TDRP: variants seen among roughly 807,000 people sequenced by gnomAD.
TDRP encodes testis development related protein.
Under a neutral mutation model 10.5 loss-of-function variants are expected in TDRP, and 12 were observed. The ratio of observed to expected loss-of-function variants is 1.15; its 90% CI spans 0.73 to 1.86. TDRP has a LOEUF of 1.86. Ranked by LOEUF, TDRP falls within the 40% of genes most tolerant of loss-of-function variation. TDRP has a pLI of 0.00. For synonymous variants in TDRP, 139 were observed against 95.4 expected, an observed-to-expected ratio of 1.46 and a Z score of -2.67; for missense variants, 353 against 229.2, an observed-to-expected ratio of 1.54 and a Z score of -3.49.
chr8:524,706 G>A (rs969183270), intron 1 of TDRP, among the ~76,000 whole-genome samples: 1 of 152,154 alleles, frequency 6.6e-6, no homozygotes, highest in Non-Finnish European at 1.5e-5. Context: ...GAATTGATGA[G>A]GCAGAAGAAA....
chr8:500,516 T>G (rs1801261569), intron 1 of TDRP, among the ~76,000 whole-genome samples: 1 of 152,218 alleles, frequency 6.6e-6, no homozygotes, highest in Non-Finnish European at 1.5e-5. Flanking sequence ...GAGATCCTCA[T>G]CTAACCAAGT....
intron 1 of TDRP, among the ~76,000 whole-genome samples, chr8:523,560 G>A (rs1801959774): frequency 6.6e-6 from 1 of 152,174 alleles, no homozygotes; most frequent in Admixed American, 6.5e-5. Context: ...GGGCCAAAGG[G>A]GAACCCACTG....
intron 1 of TDRP, among the ~76,000 whole-genome samples, chr8:542,683 G>A (rs967895545): frequency 6.6e-6 from 1 of 151,956 alleles, no homozygotes; most frequent in African/African-American, 2.4e-5. Flanking sequence ...TGACCAACAT[G>A]GACAACTCTG....
intron 1 of TDRP, among the ~76,000 whole-genome samples, chr8:543,308 G>C (rs898596622): frequency 1.3e-5 from 2 of 152,064 alleles, no homozygotes; most frequent in Non-Finnish European, 2.9e-5. Flanking sequence ...GCAAGACCCT[G>C]TCTCAAAATA....
At chr8:516,472 A>G (rs145243237) in intron 1 of TDRP, among the ~76,000 whole-genome samples, 1 of 152,324 alleles carries the variant, frequency 6.6e-6, no homozygotes, top group African/African-American at 2.4e-5. Flanking sequence ...ACACTTCACC[A>G]AAGACATGGA....
chr8:509,713 A>T (rs1579917), intron 1 of TDRP, among the ~76,000 whole-genome samples: 1 of 152,068 alleles, frequency 6.6e-6, no homozygotes, highest in African/African-American at 2.4e-5. Context: ...TATTGTCTTG[A>T]TGATTAACAT....
chr8:538,789 G>T (rs907371257), intron 1 of TDRP, among the ~76,000 whole-genome samples: 32 of 152,150 alleles, frequency 2.1e-4, no homozygotes, highest in Non-Finnish European at 4.1e-4. Flanking sequence ...ATAAGAGAAA[G>T]GCAAATTAAA....
intron 1 of TDRP, among the ~76,000 whole-genome samples, chr8:532,313 C>A (rs1373003384): frequency 6.6e-6 from 1 of 152,182 alleles, no homozygotes; most frequent in African/African-American, 2.4e-5. Flanking sequence ...AGCCATGCAC[C>A]CACTGAAACC....
Position 514,834 on chromosome 8 carries a change from C to T in TDRP, c.109-20237G>A, listed in dbSNP as rs149470949. Among the ~76,000 whole-genome samples, 457 of 152,186 alleles carry T rather than the reference C, an allele frequency of 3.0e-3. 1 individual carries two copies. The highest frequency in any genetic ancestry group is 0.011 in the African/African-American group (439 of 41,530). On this transcript the variant is annotated intron_variant, in intron 1 of 2. Transcript: ENST00000324079. ...TTTACCACCTCTCAGCCTCCTCCCA[C>T]CCTGGTCCTCCAAGGAATGGCACCA...
intron 1 of TDRP, among the ~76,000 whole-genome samples, chr8:526,406 A>G (rs1362175550): frequency 2.0e-5 from 3 of 152,070 alleles, no homozygotes; most frequent in Non-Finnish European, 4.4e-5. Flanking sequence ...CAGTTTTTTG[A>G]GCGTTCTTAT....
chr8:531,155 G>C (rs549712113), intron 1 of TDRP, among the ~76,000 whole-genome samples: 1 of 152,156 alleles, frequency 6.6e-6, no homozygotes, highest in Non-Finnish European at 1.5e-5. Flanking sequence ...TCAGGGAAAG[G>C]CAGGTGAAAT....
At chr8:526,753 T>A (rs1015663131) in intron 1 of TDRP, among the ~76,000 whole-genome samples, 1 of 152,170 alleles carries the variant, frequency 6.6e-6, no homozygotes, top group African/African-American at 2.4e-5. Context: ...CTATTTTTCA[T>A]ACTGAAGGGA....
intron 1 of TDRP, among the ~76,000 whole-genome samples, chr8:508,308 C>A (rs1370252742): frequency 1.3e-5 from 2 of 152,112 alleles, no homozygotes; most frequent in African/African-American, 2.4e-5. Context: ...CAGACTGCTA[C>A]AGATAATATG....
At chr8:513,579 C>T (rs1801674559) in intron 1 of TDRP, among the ~76,000 whole-genome samples, 1 of 152,188 alleles carries the variant, frequency 6.6e-6, no homozygotes, top group African/African-American at 2.4e-5. Context: ...GAAAGCTTGC[C>T]TCCCAAGAGC....
intron 1 of TDRP, among the ~76,000 whole-genome samples, chr8:519,024 G>C (rs960537970): frequency 1.3e-5 from 2 of 151,848 alleles, no homozygotes; most frequent in African/African-American, 4.8e-5. Context: ...CTTGATTTCA[G>C]GACTAGAACT....
chr8:538,976 G>A (rs569747116), intron 1 of TDRP, among the ~76,000 whole-genome samples: 6 of 152,236 alleles, frequency 3.9e-5, no homozygotes, highest in East Asian at 1.9e-4. Flanking sequence ...ACGCATCCTC[G>A]GACAGCTCCA....
At chr8:536,572 T>G (rs1254981356) in intron 1 of TDRP, among the ~76,000 whole-genome samples, 2 of 152,228 alleles carry the variant, frequency 1.3e-5, no homozygotes, top group South Asian at 4.1e-4. Context: ...CATATTAATA[T>G]CTTGTGCTGG....
At chr8:498,393 C>T (rs1055121439) in intron 1 of TDRP, among the ~76,000 whole-genome samples, 2 of 152,182 alleles carry the variant, frequency 1.3e-5, no homozygotes, top group Non-Finnish European at 2.9e-5. Flanking sequence ...TTAATGACTG[C>T]CCTGCTGGGT....
At chr8:506,474 A>G (rs1480347099) in intron 1 of TDRP, among the ~76,000 whole-genome samples, 4 of 152,120 alleles carry the variant, frequency 2.6e-5, no homozygotes, top group African/African-American at 9.7e-5. Context: ...ACTAAGCCGC[A>G]GCTGAATGCT....
Sources: gnomAD v4.1 joint callset for allele counts (sites outside exome capture counted in the v4.1 genomes callset) on GRCh38, gnomAD v4.1.1 for gene constraint, MANE v1.5 for transcripts, NCBI Gene and HGNC (gene_info 2026-07-23, HGNC 2026-07-21) for gene names.